Variants in CPAP observed in about 807,000 individuals in gnomAD.
CPAP encodes centrosomal P4.1-associated protein.
the CPAP span, among the ~76,000 whole-genome samples, chr13:24,923,301 G>T: frequency 2.6e-5 from 4 of 151,588 alleles, no homozygotes; most frequent in East Asian, 7.8e-4. Context: ...GTTTGGTTTG[G>T]TTTTTTTCTT....
At chr13:24,924,869 T>A in the CPAP span, 3 of 142,890 alleles carry the variant, frequency 2.1e-5, no homozygotes, top group Non-Finnish European at 4.7e-5. Flanking sequence ...GAAACCAGTC[T>A]TCTCATCTGC....
At chr13:24,891,800 C>T in the CPAP span, among the ~76,000 whole-genome samples, 2 of 152,148 alleles carry the variant, frequency 1.3e-5, no homozygotes, top group African/African-American at 2.4e-5. Flanking sequence ...TGTTAGGAAT[C>T]CCATCCACCA....
the CPAP span, chr13:24,892,990 AGAC>A: frequency 6.4e-4 from 490 of 769,394 alleles, no homozygotes; most frequent in African/African-American, 8.2e-3. Context: ...CTTAGTCAAC[AGAC>A]GACATTTAAG....
chr13:24,919,611 G>A, the CPAP span, among the ~76,000 whole-genome samples: 109 of 152,200 alleles, frequency 7.2e-4, 1 homozygote, highest in Admixed American at 2.3e-3. Context: ...TGTAAAGAGT[G>A]GTCCCCCTGT....
the CPAP span, among the ~76,000 whole-genome samples, chr13:24,926,460 C>G: frequency 6.6e-6 from 1 of 152,148 alleles, no homozygotes; most frequent in Non-Finnish European, 1.5e-5. Context: ...TAAATAACAT[C>G]ATGCACAAGG....
chr13:24,912,377 C>T, the CPAP span, among the ~76,000 whole-genome samples: 129,441 of 152,264 alleles, frequency 0.85, 55,106 homozygotes, highest in East Asian at 0.9. Flanking sequence ...TCTTACTTTT[C>T]GCCAAATGAG....
the CPAP span, among the ~76,000 whole-genome samples, chr13:24,919,829 T>C: frequency 6.6e-6 from 1 of 152,258 alleles, no homozygotes; most frequent in African/African-American, 2.4e-5. Flanking sequence ...ATTGGCACAA[T>C]CACGGCTCAC....
the CPAP span, chr13:24,886,407 A>G: frequency 7.9e-7 from 1 of 1,265,960 alleles, no homozygotes; most frequent in Non-Finnish European, 1.0e-6. Context: ...GAATGGTTCC[A>G]TTACACCATG....
chr13:24,912,816 T>C, the CPAP span: 2 of 1,614,126 alleles, frequency 1.2e-6, no homozygotes, highest in South Asian at 2.2e-5. Flanking sequence ...GTGAATCTTC[T>C]TCATTTATAA....
At chr13:24,932,988 C>G in the CPAP span, 3 of 1,548,166 alleles carry the variant, frequency 1.9e-6, no homozygotes, top group Non-Finnish European at 2.7e-6. Context: ...TCCTTAAAAA[C>G]TTTGTTTCCT....
At chr13:24,903,345 C>A in the CPAP span, among the ~76,000 whole-genome samples, 4 of 152,242 alleles carry the variant, frequency 2.6e-5, no homozygotes, top group Admixed American at 1.3e-4. Context: ...ACCAATATGA[C>A]CCTATCCTTA....
chr13:24,923,864 T>G, the CPAP span, among the ~76,000 whole-genome samples: 3 of 152,216 alleles, frequency 2.0e-5, no homozygotes, highest in African/African-American at 7.2e-5. Flanking sequence ...AGTCTCGCTC[T>G]GTTGCCCAGG....
the CPAP span, chr13:24,924,971 C>G: frequency 5.3e-5 from 8 of 152,100 alleles, no homozygotes; most frequent in East Asian, 9.6e-4. Flanking sequence ...AGCAAAAAAC[C>G]TCCACATAGT....
the CPAP span, chr13:24,924,686 G>C: frequency 6.6e-6 from 1 of 152,172 alleles, no homozygotes; most frequent in African/African-American, 2.4e-5. Context: ...TGTGGCACAG[G>C]GGTTTTAATG....
At chr13:24,884,110 ATT>A in the CPAP span, 185 of 1,605,588 alleles carry the variant, frequency 1.2e-4, 1 homozygote, top group Admixed American at 1.3e-3. Context: ...TACAGTAAAT[ATT>A]TTTTGAAGGA....
At chr13:24,898,342 CA>C in the CPAP span, among the ~76,000 whole-genome samples, 1 of 152,016 alleles carries the variant, frequency 6.6e-6, no homozygotes, top group African/African-American at 2.4e-5. Flanking sequence ...TGAAATTAGA[CA>C]AAATGATCAC....
At chr13:24,906,520 A>T in the CPAP span, 1 of 1,614,186 alleles carries the variant, frequency 6.2e-7, no homozygotes. Context: ...AAGGTTTTGG[A>T]CACTCAGTTA....
At chr13:24,927,419 C>T in the CPAP span, among the ~76,000 whole-genome samples, 3 of 152,164 alleles carry the variant, frequency 2.0e-5, no homozygotes, top group Admixed American at 2.0e-4. Context: ...TTGTCATTCC[C>T]ATAAAGTCTG....
chr13:24,907,287 G>A, the CPAP span: 6 of 1,080,460 alleles, frequency 5.6e-6, no homozygotes, highest in African/African-American at 7.8e-5. Context: ...TGACAACATG[G>A]AGAACTAACT....
Sources: allele counts gnomAD v4.1 joint callset (sites outside exome capture counted in the v4.1 genomes callset), GRCh38; gene constraint gnomAD v4.1.1; transcripts MANE v1.5; gene names NCBI Gene and HGNC (gene_info 2026-07-23, HGNC 2026-07-21).